The following NPR3 variants were observed in gnomAD, a reference collection of about 807,000 sequenced individuals.
The protein encoded by NPR3 is atrial natriuretic peptide receptor 3.
In NPR3, 34 loss-of-function variants were observed where a neutral mutation model predicts 54.5. The ratio of observed to expected loss-of-function variants is 0.62; its 90% CI spans 0.47 to 0.83. The LOEUF (loss-of-function observed/expected upper bound fraction) is 0.83, where lower values mean the gene tolerates loss of function less well. Ranked by LOEUF, NPR3 falls within the 40% of genes least tolerant of loss-of-function variation. The pLI, the probability that NPR3 is intolerant of heterozygous loss-of-function variation, is 0.00. For synonymous variants in NPR3, 289 were observed against 297.1 expected (o/e 0.97, Z 0.28); for missense variants, 674 against 720.8 (o/e 0.94, Z 0.74).
intron 3 of NPR3, among the ~76,000 whole-genome samples, chr5:32,755,300 G>T (rs551663225): frequency 2.3e-4 from 35 of 152,236 alleles, no homozygotes; most frequent in Non-Finnish European, 3.7e-4. Flanking sequence ...ATATATTTAT[G>T]GTAACTGTAT....
At chr5:32,696,685 G>A (rs578178976) in intron 1 of NPR3, among the ~76,000 whole-genome samples, 2 of 151,938 alleles carry the variant, frequency 1.3e-5, no homozygotes, top group Admixed American at 6.5e-5. Context: ...TTTCATCAGC[G>A]TTTCATAGTT....
intron 1 of NPR3, among the ~76,000 whole-genome samples, chr5:32,701,881 G>GTC (rs1162336636): frequency 1.3e-5 from 2 of 152,288 alleles, no homozygotes; most frequent in African/African-American, 4.8e-5. Context: ...AACAAACGGA[G>GTC]TCTCTCTCTC....
At chr5:32,715,843 A>G (rs1035654411) in intron 1 of NPR3, among the ~76,000 whole-genome samples, 23 of 152,250 alleles carry the variant, frequency 1.5e-4, no homozygotes, top group African/African-American at 4.3e-4. Context: ...AGTTATTAGT[A>G]TGTCATTAAT....
At chr5:32,728,837 G>GTATGTA (rs1739283358) in intron 2 of NPR3, among the ~76,000 whole-genome samples, 2 of 48,012 alleles carry the variant, frequency 4.2e-5, no homozygotes, top group Non-Finnish European at 7.3e-5. Context: ...GTGTGTGTGT[G>GTATGTA]TATATATATA....
At chr5:32,751,342 C>G (rs1317778276) in intron 3 of NPR3, among the ~76,000 whole-genome samples, 1 of 152,164 alleles carries the variant, frequency 6.6e-6, no homozygotes, top group Non-Finnish European at 1.5e-5. Context: ...CCATTGTACC[C>G]TTAGAGAGCA....
chr5:32,749,410 A>G (rs1315866839), intron 3 of NPR3, among the ~76,000 whole-genome samples: 3 of 152,132 alleles, frequency 2.0e-5, no homozygotes, highest in Non-Finnish European at 4.4e-5. Context: ...TATATTATAA[A>G]CTTTTCCTAA....
At chr5:32,785,137 G>GTT (rs1742543623) in intron 7 of NPR3, among the ~76,000 whole-genome samples, 2 of 122,630 alleles carry the variant, frequency 1.6e-5, no homozygotes, top group African/African-American at 6.3e-5. Context: ...TTTGATCACA[G>GTT]ATTTTTTTTT....
chr5:32,747,215 A>G (rs1045388170), intron 3 of NPR3, among the ~76,000 whole-genome samples: 3 of 152,036 alleles, frequency 2.0e-5, no homozygotes, highest in Non-Finnish European at 4.4e-5. Flanking sequence ...GCTGTTTTTG[A>G]TAGTAAAAAT....
In NPR3 at chr5:32,712,048, G is replaced by C. The variant is rs374859010; in HGVS notation, c.272G>C (p.Arg91Pro). The change falls in exon 1 of 8, where the codon CGG becomes CCG. Residue 91 changes from arginine to proline, a missense_variant. Transcript: ENST00000265074. The part of the protein sequence containing the change: ...RSVEGNGTGR[R>P]LLPPGTRFQV... Reference sequence around the variant, plus strand: ...GTGGAGGGCAACGGGACTGGGAGGCGGCTTCTGCCGCCGGGCACTCGCTTC... The same window carrying C: ...GTGGAGGGCAACGGGACTGGGAGGCCGCTTCTGCCGCCGGGCACTCGCTTC... 9.4e-5 allele frequency: 151 copies of C among 1,613,844 alleles called. No individual in the cohort carries two copies. Among genetic ancestry groups the C allele is most frequent in the Middle Eastern group, 3.3e-4 (2 of 6,062 alleles).
chr5:32,706,248 A>G (rs1737982351), upstream of NPR3, among the ~76,000 whole-genome samples: 1 of 152,166 alleles, frequency 6.6e-6, no homozygotes, highest in South Asian at 2.1e-4. Flanking sequence ...AGCCGAGCAG[A>G]TTCTGGTGCC....
At chr5:32,718,359 T>C (rs1458252373) in intron 1 of NPR3, among the ~76,000 whole-genome samples, 3 of 152,370 alleles carry the variant, frequency 2.0e-5, no homozygotes, top group Admixed American at 1.3e-4. Context: ...TAAAGTAGTT[T>C]TTTCCAATTC....
intron 4 of NPR3, among the ~76,000 whole-genome samples, chr5:32,778,656 T>A (rs1251149027): frequency 6.6e-6 from 1 of 152,194 alleles, no homozygotes; most frequent in Non-Finnish European, 1.5e-5. Context: ...TCTCATTACT[T>A]ATGTACAGGA....
chr5:32,742,927 ATTTC>A (rs138953300), intron 3 of NPR3, among the ~76,000 whole-genome samples: 1 of 152,226 alleles, frequency 6.6e-6, no homozygotes, highest in Non-Finnish European at 1.5e-5. Context: ...CACTGACTCT[ATTTC>A]TTATATGTTA....
At position 32,789,858 on chromosome 5, in the gene NPR3, A is replaced by G. The variant is rs1742822697; in HGVS notation, c.*3513A>G. The G allele has an allele frequency of 2.2e-6, 1 of 445,264 alleles. No individual in the cohort carries two copies. The highest frequency in any genetic ancestry group is 1.8e-5 in the South Asian group (1 of 55,016). 27.6% of individuals were successfully genotyped at this position (445,264 alleles called of 1,614,324 possible). The stretch of plus-strand genomic sequence containing the variant: ...CAGTATACACTGGCTATTTGTGGAA[A>G]TCTCTTTGGGAGATCAAATAGAGTA... On this transcript the variant is annotated 3_prime_UTR_variant, in exon 8 of 8. Coordinates refer to ENST00000265074, the MANE Select transcript of NPR3 (RefSeq NM_001204375.2).
At chr5:32,713,496 C>T (rs555559612) in intron 1 of NPR3, 1 of 974,570 alleles carries the variant, frequency 1.0e-6, no homozygotes, top group Non-Finnish European at 1.2e-6. Context: ...TCCCTCCTCC[C>T]TCTAGTCAGG....
intron 1 of NPR3, among the ~76,000 whole-genome samples, chr5:32,701,172 T>C (rs186035193): frequency 5.3e-5 from 8 of 152,338 alleles, no homozygotes; most frequent in Middle Eastern, 3.4e-3. Flanking sequence ...TTTTCAAGTG[T>C]CTGCTGGCTG....
chr5:32,726,336 A>G (rs1422550519), intron 2 of NPR3, among the ~76,000 whole-genome samples: 1 of 152,214 alleles, frequency 6.6e-6, no homozygotes, highest in African/African-American at 2.4e-5. Flanking sequence ...TGATGAAACA[A>G]AAGTAGCCAC....
chr5:32,773,099 C>T (rs539571438), intron 3 of NPR3, among the ~76,000 whole-genome samples: 3 of 152,164 alleles, frequency 2.0e-5, no homozygotes, highest in Non-Finnish European at 2.9e-5. Context: ...TCTCTTCCCA[C>T]GAGGTTTCCT....
chr5:32,768,866 A>C (rs543836961), intron 3 of NPR3, among the ~76,000 whole-genome samples: 2 of 152,334 alleles, frequency 1.3e-5, no homozygotes, highest in Admixed American at 1.3e-4. Flanking sequence ...GGGAGCAAGA[A>C]GTATGCCAGA....
Sources: allele counts gnomAD v4.1 joint callset (sites outside exome capture counted in the v4.1 genomes callset), GRCh38; gene constraint gnomAD v4.1.1; transcripts MANE v1.5; gene names NCBI Gene and HGNC (gene_info 2026-07-23, HGNC 2026-07-21).